Variants in NOL9 observed in about 807,000 individuals in gnomAD.
NOL9 encodes the protein polynucleotide 5'-hydroxyl-kinase NOL9.
A neutral mutation model predicts 67.9 loss-of-function variants in NOL9; 28 were observed. The observed-to-expected ratio is 0.41, with a 90% CI of 0.31 to 0.57. NOL9 has a LOEUF of 0.57. Among genes scored for constraint, NOL9 ranks in the 20% least tolerant of loss-of-function variants. The pLI, the probability that NOL9 is intolerant of heterozygous loss-of-function variation, is 0.25. For synonymous variants in NOL9, 356 were observed against 352.2 expected, an observed-to-expected ratio of 1.01 and a Z score of -0.12; for missense variants, 777 against 897.0, an observed-to-expected ratio of 0.87 and a Z score of 1.71.
At chr1:6,535,169 A>C (rs1307799215) in intron 6 of NOL9, among the ~76,000 whole-genome samples, 1 of 152,178 alleles carries the variant, frequency 6.6e-6, no homozygotes, top group East Asian at 1.9e-4. Flanking sequence ...ATACATACAC[A>C]TATACATATG....
intron 3 of NOL9, 32 bp from the exon 4 acceptor site, chr1:6,545,212 A>G (rs1298411949): frequency 4.4e-6 from 7 of 1,593,672 alleles, no homozygotes; most frequent in Non-Finnish European, 5.1e-6. Flanking sequence ...TTAAGGTGAA[A>G]AAATGCATAT....
chr1:6,541,788 AT>A, intron 6 of NOL9, 41 bp downstream of exon 6: 1 of 1,270,046 alleles, frequency 7.9e-7, no homozygotes, highest in South Asian at 1.4e-5. Flanking sequence ...TCACATATGA[AT>A]TTCATAAAAC....
At chr1:6,544,686 A>ACCGTCTTCAGC in intron 5 of NOL9, 140 bp downstream of exon 5, 2 of 804,462 alleles carry the variant, frequency 2.5e-6, no homozygotes, top group Non-Finnish European at 2.0e-6. Flanking sequence ...GGCAGTGAGG[A>ACCGTCTTCAGC]CCAGATGCTT....
At chr1:6,529,523 G>A (rs1311729875) in intron 9 of NOL9, among the ~76,000 whole-genome samples, 5 of 152,190 alleles carry the variant, frequency 3.3e-5, no homozygotes, top group Admixed American at 3.3e-4. Flanking sequence ...GGGAGGCGGA[G>A]GTTGCAGTGA....
At chr1:6,535,928 C>CA (rs35594987) in intron 6 of NOL9, among the ~76,000 whole-genome samples, 110,448 of 137,762 alleles carry the variant, frequency 0.8, 44,416 homozygotes, top group Non-Finnish European at 0.86. Context: ...AACTCCATCT[C>CA]AAAAAAAAAA....
chr1:6,541,198 GT>G (rs1639283732), intron 6 of NOL9, among the ~76,000 whole-genome samples: 1 of 151,702 alleles, frequency 6.6e-6, no homozygotes, highest in Non-Finnish European at 1.5e-5. Flanking sequence ...GTTTTTTTGG[GT>G]TTTGAGATGG....
chr1:6,533,156 CAG>C (rs1639072294), intron 7 of NOL9, 122 bp downstream of exon 7: 1 of 991,480 alleles, frequency 1.0e-6, no homozygotes, highest in African/African-American at 1.6e-5. Context: ...GCCTGGGCGA[CAG>C]AGTGAGACCC....
At chr1:6,537,234 C>G (rs1298146359) in intron 6 of NOL9, among the ~76,000 whole-genome samples, 1 of 151,706 alleles carries the variant, frequency 6.6e-6, no homozygotes, top group African/African-American at 2.4e-5. Flanking sequence ...ACACCATATA[C>G]AAAAATCAAC....
At chr1:6,540,884 A>C (rs952326153) in intron 6 of NOL9, 1 of 152,120 alleles carries the variant, frequency 6.6e-6, no homozygotes, top group African/African-American at 2.4e-5. Context: ...TATACTAAAA[A>C]ACTGGAATGA....
intron 3 of NOL9, among the ~76,000 whole-genome samples, chr1:6,547,185 G>T (rs903036563): frequency 1.3e-5 from 2 of 152,126 alleles, no homozygotes; most frequent in Non-Finnish European, 1.5e-5. Context: ...CGCATCTGGT[G>T]GCCTGGGTAT....
At position 6,526,714 on chromosome 1, in the gene NOL9, A is replaced by G. The variant is rs1389696778; in HGVS notation, c.1941T>C (p.His647=). ...CLLVGAIAIP[H]CVLKCQRGIE... Reference sequence around the variant, plus strand: ...GGCTCACCTGGCACTTAAGGACACAATGTGGAATGGCAATAGCTCCAACGA... The same window carrying G: ...GGCTCACCTGGCACTTAAGGACACAGTGTGGAATGGCAATAGCTCCAACGA... The change falls in exon 11 of 12, where the codon CAT becomes CAC. Residue 647 remains histidine (H), a synonymous_variant. Coordinates refer to ENST00000377705, the MANE Select transcript of NOL9 (RefSeq NM_024654.5). The G allele has an allele frequency of 1.2e-6, 2 of 1,613,378 alleles. No individual in the cohort carries two copies. Among genetic ancestry groups the G allele is most frequent in the Admixed American group, 1.7e-5 (1 of 59,896 alleles).
chr1:6,526,976 T>A, intron 10 of NOL9, 147 bp from the exon 11 acceptor site: 1 of 1,092,426 alleles, frequency 9.2e-7, no homozygotes, highest in Non-Finnish European at 1.3e-6. Context: ...CCAGGTGCAG[T>A]GGCTCACGCC....
chr1:6,531,703 A>G (rs1199120448), intron 9 of NOL9, among the ~76,000 whole-genome samples: 1 of 152,194 alleles, frequency 6.6e-6, no homozygotes, highest in Admixed American at 6.5e-5. Flanking sequence ...TCCTCAGTAC[A>G]GAACCATGGC....
chr1:6,554,447 C>G lies in NOL9; in HGVS notation c.56G>C (p.Arg19Pro). 1.3e-6 allele frequency: 2 copies of G among 1,551,666 alleles called. No homozygotes were observed. The highest frequency in any genetic ancestry group is 1.7e-6 in the Non-Finnish European group (2 of 1,160,964). Residue 19 changes from arginine (R) to proline (P), a missense_variant, in exon 1 of 12, where the codon CGG (arginine) becomes CCG (proline). By Grantham distance (103) the Arg-to-Pro change is moderately radical. This residue lies in a region of NOL9 where 364 missense variants were observed against 344.4 expected (regional missense o/e 1.06). Coordinates refer to ENST00000377705, the MANE Select transcript of NOL9 (RefSeq NM_024654.5). ...KRGSCRSTWL[R>P]VRKARPQLIL... ...GAGCTGGGGCCGGGCCTTGCGGACC[C>G]GCAGCCAAGTGGAACGGCAGGAACC... is the stretch of plus-strand genomic sequence containing the variant.
Position 6,538,540 on chromosome 1 carries a change from C to T in NOL9, c.1075+3290G>A, listed in dbSNP as rs376653097. Among the ~76,000 whole-genome samples, 45 of 150,786 alleles carry T rather than the reference C, an allele frequency of 3.0e-4. No individual in the cohort carries two copies. In the South Asian group the frequency reaches 6.5e-3, roughly 22 times the overall value. On this transcript the variant is annotated intron_variant, in intron 6 of 11. Transcript: ENST00000377705. ...TACAAAAATTAGCTGGGCATGGTGG[C>T]GGGCATCTATAATCCCAGCTACTCG...
intron 1 of NOL9, 40 bp from the exon 2 acceptor site, chr1:6,550,655 G>T: frequency 4.8e-6 from 6 of 1,248,918 alleles, no homozygotes; most frequent in Middle Eastern, 2.3e-4. Flanking sequence ...TATAGATCAT[G>T]TCACTAATGA....
At position 6,524,223 on chromosome 1, in the gene NOL9, A is replaced by G. The variant is rs1401785506; in HGVS notation, c.*1631T>C. ...AGAGGTGCTGAGGGGCCACTGTAAA[A>G]TACTAAAGACAATGATAACCAACAG... On this transcript the variant is annotated 3_prime_UTR_variant, in exon 12 of 12. Coordinates refer to ENST00000377705, the MANE Select transcript of NOL9 (RefSeq NM_024654.5). 6.7e-6 allele frequency: 1 copy of G among 148,212 alleles called. No individual in the cohort carries two copies. The highest frequency in any genetic ancestry group is 2.5e-5 in the African/African-American group (1 of 40,002). 9.2% of individuals were successfully genotyped at this position (148,212 alleles called of 1,614,324 possible).
At chr1:6,531,075 C>A (rs909137183) in intron 9 of NOL9, among the ~76,000 whole-genome samples, 2 of 152,160 alleles carry the variant, frequency 1.3e-5, no homozygotes, top group African/African-American at 4.8e-5. Context: ...GTGCTACCTG[C>A]CGCTAGTTTT....
In NOL9 at chr1:6,545,261, T is replaced by C. The variant is rs541465248; in HGVS notation, c.745-81A>G. 3 of 1,368,510 alleles carry C rather than the reference T, an allele frequency of 2.2e-6. No individual in the cohort carries two copies. In the Admixed American group the frequency reaches 6.4e-5, roughly 29 times the overall value. The allele number at this position is 1,368,510 out of a possible 1,614,324, so 84.8% of individuals were successfully genotyped here. On this transcript the variant is annotated intron_variant, in intron 3 of 11. Transcript: ENST00000377705. ...ACTAAATTAATCAAGCCTCACACAGTTGTGAGCCAGAGAAGATAAATTGTT... is the reference window on the plus strand; with the variant it reads ...ACTAAATTAATCAAGCCTCACACAGCTGTGAGCCAGAGAAGATAAATTGTT...
Sources: gnomAD v4.1 joint callset for allele counts (sites outside exome capture counted in the v4.1 genomes callset) on GRCh38, gnomAD v4.1.1 for gene constraint, gnomAD v4.1.1 regional missense constraint, MANE v1.5 for transcripts, NCBI Gene and HGNC (gene_info 2026-07-23, HGNC 2026-07-21) for gene names.